Variants in CNTNAP5 observed in about 807,000 individuals in gnomAD.
CNTNAP5 encodes contactin-associated protein-like 5.
CNTNAP5 carries 72 observed loss-of-function variants against 150.2 expected under a neutral mutation model. That is an observed-to-expected ratio of 0.48 (90% CI 0.40 to 0.58). CNTNAP5 has a LOEUF of 0.58. Among genes scored for constraint, CNTNAP5 ranks in the 20% least tolerant of loss-of-function variants. The pLI is 0.00. For missense variants in CNTNAP5, 1,636 were observed against 1,626.2 expected (o/e 1.01, Z -0.10); for synonymous variants, 672 against 619.8 (o/e 1.08, Z -1.25).
At chr2:124,719,430 GCA>G (rs1680007904) in intron 13 of CNTNAP5, among the ~76,000 whole-genome samples, 2 of 152,012 alleles carry the variant, frequency 1.3e-5, no homozygotes, top group Non-Finnish European at 2.9e-5. Flanking sequence ...TAAATAAAAG[GCA>G]CACAAATAAA....
rs1414044989 is a variant in CNTNAP5 at position 124,519,426 on chromosome 2, G to T, written c.1328-4877G>T. The stretch of plus-strand genomic sequence containing the variant: ...CAGTAGCAGAACATAAAACTTTTCA[G>T]AGCTTTTTGGTCATCAAAGAGATGG... On this transcript the variant is annotated intron_variant, in intron 8 of 23. Coordinates refer to ENST00000682447, the MANE Select transcript of CNTNAP5 (RefSeq NM_001367498.1). Among the ~76,000 whole-genome samples, 3 of 152,188 alleles carry T rather than the reference G, an allele frequency of 2.0e-5. No homozygotes were observed. The East Asian group carries it at 5.8e-4, about 29-fold the overall frequency.
chr2:124,473,512 G>A (rs1333506541), intron 6 of CNTNAP5, among the ~76,000 whole-genome samples: 2 of 151,968 alleles, frequency 1.3e-5, no homozygotes, highest in African/African-American at 4.8e-5. Context: ...TTTTTTACTA[G>A]TGTGAAGCTT....
At chr2:124,415,077 C>A (rs1691883410) in intron 3 of CNTNAP5, among the ~76,000 whole-genome samples, 3 of 152,188 alleles carry the variant, frequency 2.0e-5, no homozygotes, top group Non-Finnish European at 2.9e-5. Context: ...AGGGAGGCGT[C>A]CTTTCCAGGT....
chr2:124,819,363 A>T lies in CNTNAP5; in HGVS notation c.3217+21043A>T, dbSNP rs142849817. Among the ~76,000 whole-genome samples the T allele has an allele frequency of 2.4e-4, 37 of 151,622 alleles. No homozygotes were observed. The South Asian group carries it at 6.5e-3, about 26-fold the overall frequency. ...TATTGAATTTTCACTACCACTTAGG[A>T]CTCCTATTTCTGTTTGGTAAAATTT... On this transcript the variant is annotated intron_variant, in intron 19 of 23. Coordinates refer to ENST00000682447, the MANE Select transcript of CNTNAP5 (RefSeq NM_001367498.1).
At chr2:124,377,552 G>A (rs939374048) in intron 3 of CNTNAP5, among the ~76,000 whole-genome samples, 2 of 151,962 alleles carry the variant, frequency 1.3e-5, no homozygotes, top group Admixed American at 1.3e-4. Flanking sequence ...GCATGCGCCT[G>A]TAATCCTAGC....
chr2:124,485,052 C>A (rs928826966), intron 7 of CNTNAP5, among the ~76,000 whole-genome samples: 1 of 152,056 alleles, frequency 6.6e-6, no homozygotes, highest in African/African-American at 2.4e-5. Context: ...AACGCTTCAC[C>A]TTTTGTCACA....
At position 124,525,796 on chromosome 2, in the gene CNTNAP5, C is replaced by A. The variant is rs148385484; in HGVS notation, c.1477+1344C>A. The stretch of plus-strand genomic sequence containing the variant: ...TAACCTCATTTAATTCATGCAGAAA[C>A]CTTGTGCAGTAGGTAATATCCCCAC... On this transcript the variant is annotated intron_variant, in intron 9 of 23. Transcript: ENST00000682447. 4.3e-3 allele frequency among the ~76,000 whole-genome samples: 653 copies of A among 152,230 alleles called. 7 individuals are homozygous for A. Among genetic ancestry groups the A allele is most frequent in the African/African-American group, 0.015 (631 of 41,536 alleles).
chr2:124,199,978 C>G (rs13414601), intron 1 of CNTNAP5, among the ~76,000 whole-genome samples: 45,806 of 152,000 alleles, frequency 0.3, 7,045 homozygotes, highest in South Asian at 0.47. Context: ...TTCTTGAATA[C>G]TTTGCTGGCT....
rs1054064064 is a variant in CNTNAP5 at position 124,032,151 on chromosome 2, G to C, written c.82+6419G>C. On this transcript the variant is annotated intron_variant, in intron 1 of 23. Coordinates refer to ENST00000682447, the MANE Select transcript of CNTNAP5 (RefSeq NM_001367498.1). Reference sequence around the variant, plus strand: ...CAGAGTGATAAATGCTATGATAAAGGTAAACACGGCATGCACTTTAAGGCA... The same window carrying C: ...CAGAGTGATAAATGCTATGATAAAGCTAAACACGGCATGCACTTTAAGGCA... Among the ~76,000 whole-genome samples the C allele has an allele frequency of 2.6e-5, 4 of 152,042 alleles. No homozygotes were observed. The East Asian group carries it at 7.7e-4, about 29-fold the overall frequency.
At chr2:124,502,104 T>C (rs1694291374) in intron 7 of CNTNAP5, among the ~76,000 whole-genome samples, 1 of 152,160 alleles carries the variant, frequency 6.6e-6, no homozygotes, top group Non-Finnish European at 1.5e-5. Context: ...TCTGTTGAGC[T>C]AGGTGTGCAT....
intron 3 of CNTNAP5, among the ~76,000 whole-genome samples, chr2:124,365,667 A>G (rs548954927): frequency 6.6e-6 from 1 of 152,254 alleles, no homozygotes; most frequent in East Asian, 1.9e-4. Context: ...CTCTTATAAA[A>G]GTTTCCTGGG....
chr2:124,431,785 A>T (rs1692395213), intron 4 of CNTNAP5, among the ~76,000 whole-genome samples: 1 of 151,466 alleles, frequency 6.6e-6, no homozygotes, highest in Admixed American at 6.6e-5. Context: ...AATCAGTTGT[A>T]AGTGTAATTG....
chr2:124,313,816 A>G (rs768535922), intron 3 of CNTNAP5, among the ~76,000 whole-genome samples: 164 of 152,278 alleles, frequency 1.1e-3, no homozygotes, highest in Non-Finnish European at 1.4e-3. Context: ...GGTGCGAGGG[A>G]TACCAGAAAC....
chr2:124,439,632 C>T (rs988302000), intron 5 of CNTNAP5, among the ~76,000 whole-genome samples: 2 of 152,120 alleles, frequency 1.3e-5, no homozygotes, highest in Non-Finnish European at 2.9e-5. Flanking sequence ...AACATAGAGA[C>T]TTGCTCTGGA....
In CNTNAP5 at chr2:124,747,234, A is replaced by G. The variant is rs375310783; in HGVS notation, c.2083A>G (p.Thr695Ala). ...TGGAATATCTTGTCTTCCAGATGGA[A>G]CACCATTTACCTGGTGGATTGGGCG... Reference protein sequence around the residue: ...RSRLLNTPDGTPFTWWIGRSN... With the variant: ...RSRLLNTPDGAPFTWWIGRSN... Residue 695 changes from threonine to alanine, a missense_variant, in exon 14 of 24, where the codon ACA (threonine) becomes GCA (alanine). Thr to Ala is a moderately conservative substitution (Grantham distance 58). Coordinates refer to ENST00000682447, the MANE Select transcript of CNTNAP5 (RefSeq NM_001367498.1). 1.3e-5 allele frequency: 21 copies of G among 1,612,482 alleles called. No homozygotes were observed. The highest frequency in any genetic ancestry group is 3.3e-5 in the South Asian group (3 of 91,038).
intron 3 of CNTNAP5, among the ~76,000 whole-genome samples, chr2:124,394,319 C>A (rs1187810612): frequency 6.8e-6 from 1 of 147,388 alleles, no homozygotes; most frequent in Non-Finnish European, 1.5e-5. Flanking sequence ...TTTCAGATAG[C>A]TGAGATGGTG....
intron 13 of CNTNAP5, among the ~76,000 whole-genome samples, chr2:124,657,659 C>G (rs1460545422): frequency 6.6e-6 from 1 of 152,204 alleles, no homozygotes; most frequent in African/African-American, 2.4e-5. Flanking sequence ...AAAACCCAGA[C>G]TCCTAACTGT....
intron 18 of CNTNAP5, among the ~76,000 whole-genome samples, chr2:124,794,410 G>C (rs1212450182): frequency 6.6e-6 from 1 of 152,172 alleles, no homozygotes; most frequent in Non-Finnish European, 1.5e-5. Context: ...ACAGCCCACA[G>C]CATGTAAAGT....
At chr2:124,054,141 G>C (rs1681783042) in intron 1 of CNTNAP5, among the ~76,000 whole-genome samples, 2 of 152,096 alleles carry the variant, frequency 1.3e-5, no homozygotes, top group Non-Finnish European at 2.9e-5. Context: ...GAAGCAAACA[G>C]AGGCCAAAAA....
Sources: gnomAD v4.1 joint callset for allele counts (sites outside exome capture counted in the v4.1 genomes callset) on GRCh38, gnomAD v4.1.1 for gene constraint, MANE v1.5 for transcripts, NCBI Gene and HGNC (gene_info 2026-07-23, HGNC 2026-07-21) for gene names.